The following CACNA1C variants were observed in gnomAD, a reference collection of about 807,000 sequenced individuals.
The protein encoded by CACNA1C is calcium voltage-gated channel subunit alpha1 C.
Under a neutral mutation model 229.0 loss-of-function variants are expected in CACNA1C, and 30 were observed. The observed-to-expected ratio is 0.13, with a 90% CI of 0.10 to 0.18. The LOEUF is 0.18. CACNA1C is among the 10% of genes least tolerant of loss of function. CACNA1C has a pLI of 1.00. For synonymous variants in CACNA1C, 1,114 were observed against 1,132.5 expected, an observed-to-expected ratio of 0.98 and a Z score of 0.33; for missense variants, 1,658 against 2,845.0, an observed-to-expected ratio of 0.58 and a Z score of 9.49.
intron 1 of CACNA1C, among the ~76,000 whole-genome samples, chr12:2,039,446 A>C (rs1343672522): frequency 1.3e-5 from 2 of 152,190 alleles, no homozygotes; most frequent in Non-Finnish European, 2.9e-5. Flanking sequence ...ATTCTCTACC[A>C]CCAACAGGAT....
intron 18 of CACNA1C, among the ~76,000 whole-genome samples, chr12:2,591,052 C>G (rs2065061680): frequency 6.6e-6 from 1 of 152,172 alleles, no homozygotes; most frequent in African/African-American, 2.4e-5. Flanking sequence ...TCTTGGGCCT[C>G]TCTTCTGCTG....
intron 1 of CACNA1C, among the ~76,000 whole-genome samples, chr12:2,106,384 G>A (rs1472075511): frequency 9.6e-4 from 47 of 48,882 alleles, no homozygotes; most frequent in East Asian, 3.0e-3. Context: ...CCCACCCCGG[G>A]GAGGGTTTCC....
intron 3 of CACNA1C, among the ~76,000 whole-genome samples, chr12:2,364,054 G>A (rs1164481921): frequency 6.6e-6 from 1 of 152,170 alleles, no homozygotes; most frequent in African/African-American, 2.4e-5. Context: ...TCTTCTCCAA[G>A]GACAGCCTAA....
chr12:2,404,705 G>T (rs1421551409), intron 3 of CACNA1C, among the ~76,000 whole-genome samples: 1 of 152,120 alleles, frequency 6.6e-6, no homozygotes, highest in African/African-American at 2.4e-5. Context: ...CAAATAGTTT[G>T]TCTCGTCAGC....
Position 2,374,432 on chromosome 12 carries a change from C to T in CACNA1C, c.478-74544C>T, listed in dbSNP as rs957735714. 1.4e-4 allele frequency among the ~76,000 whole-genome samples: 22 copies of T among 152,192 alleles called. 2 individuals are homozygous for T. Among genetic ancestry groups the T allele is most frequent in the African/African-American group, 2.4e-5 (1 of 41,448 alleles). On this transcript the variant is annotated intron_variant, in intron 3 of 46. Coordinates refer to ENST00000399655, the MANE Select transcript of CACNA1C (RefSeq NM_000719.7). ...TGACTGGGGACTGGGTGTTATTGTT[C>T]GTAACTCAATATTCCAGCCATGGCA...
chr12:2,171,440 G>A (rs1025901621), intron 3 of CACNA1C, among the ~76,000 whole-genome samples: 2 of 152,200 alleles, frequency 1.3e-5, no homozygotes, highest in Admixed American at 6.5e-5. Context: ...TCTGCAGGGA[G>A]TCCGTCAAGA....
In CACNA1C at chr12:2,115,289, GC is replaced by G; in HGVS notation, c.119del (p.Pro40LeufsTer25). On this transcript the variant is annotated frameshift_variant, in exon 2 of 47. Transcript: ENST00000399655. LOFTEE classifies it high-confidence loss of function. ...GAATGCCAATGCGGCAGCGGGGCTG[GC>G]CCCTGAGCACATCCCCACCCCGGGG... ...NMNANAAAGLAPEHIPTPGAA... is the reference protein window; with the variant it reads ...NMNANAAAGLXPEHIPTPGAA... 6.3e-7 allele frequency: 1 copy of G among 1,591,794 alleles called. No individual in the cohort carries two copies. Among genetic ancestry groups the G allele is most frequent in the Non-Finnish European group, 8.5e-7 (1 of 1,170,414 alleles).
At chr12:2,526,961 T>G (rs1051172173) in intron 9 of CACNA1C, among the ~76,000 whole-genome samples, 2 of 152,352 alleles carry the variant, frequency 1.3e-5, no homozygotes, top group African/African-American at 4.8e-5. Flanking sequence ...GGTTTATGCT[T>G]TCTAAATAGA....
chr12:2,256,043 A>C (rs201849483), intron 3 of CACNA1C, among the ~76,000 whole-genome samples: 1 of 8,060 alleles, frequency 1.2e-4, no homozygotes, highest in Non-Finnish European at 2.9e-4. Context: ...TCCTGACCTG[A>C]CTACTTTACA....
chr12:2,210,059 C>T (rs1014046086), intron 3 of CACNA1C, among the ~76,000 whole-genome samples: 7 of 152,066 alleles, frequency 4.6e-5, no homozygotes, highest in Admixed American at 2.6e-4. Context: ...AGGAGAGGCT[C>T]GAATTTTACT....
At chr12:2,564,722 A>C (rs528390544) in intron 11 of CACNA1C, among the ~76,000 whole-genome samples, 1 of 152,062 alleles carries the variant, frequency 6.6e-6, no homozygotes, top group Non-Finnish European at 1.5e-5. Flanking sequence ...CGCTCATCTC[A>C]AGGGACTATT....
chr12:2,266,571 G>T (rs531878646), intron 3 of CACNA1C, among the ~76,000 whole-genome samples: 1 of 152,370 alleles, frequency 6.6e-6, no homozygotes, highest in African/African-American at 2.4e-5. Flanking sequence ...TGGGTTCCAA[G>T]AGAAGCAGGA....
At chr12:2,050,185 C>G (rs573171210), upstream of CACNA1C, among the ~76,000 whole-genome samples, 2 of 152,284 alleles carry the variant, frequency 1.3e-5, no homozygotes, top group East Asian at 3.9e-4. Flanking sequence ...GCCCTGCCCC[C>G]ACCAGCTCAC....
chr12:2,609,487 G>T (rs2076702374), intron 27 of CACNA1C, among the ~76,000 whole-genome samples: 1 of 151,404 alleles, frequency 6.6e-6, no homozygotes, highest in Non-Finnish European at 1.5e-5. Flanking sequence ...TCTGCTGGCT[G>T]CTGTGTGGAC....
chr12:2,612,750 G>T (rs141192596), intron 29 of CACNA1C: 2 of 152,206 alleles, frequency 1.3e-5, no homozygotes, highest in African/African-American at 4.8e-5. Context: ...AGCAGACACT[G>T]GTATGAGCCA....
rs183320045 is a variant in CACNA1C at position 2,277,435 on chromosome 12, C to T, written c.477+157005C>T. ...CACACACACACACACACACTGAGGG[C>T]TGATAGGGAAGAGGACTTCTCTTCT... is the stretch of plus-strand genomic sequence containing the variant. On this transcript the variant is annotated intron_variant, in intron 3 of 46. Transcript: ENST00000399655. Among the ~76,000 whole-genome samples, 3 of 142,660 alleles carry T rather than the reference C, an allele frequency of 2.1e-5. No individual in the cohort carries two copies. The East Asian group carries it at 6.4e-4, about 30-fold the overall frequency. 93.6% of individuals were successfully genotyped at this position (142,660 alleles called of 152,430 possible). A position where few individuals can be genotyped will look rare whatever the true frequency, so the allele number is the denominator to read the frequency against.
chr12:2,534,215 G>T (rs1399534968), intron 9 of CACNA1C, among the ~76,000 whole-genome samples: 1 of 152,198 alleles, frequency 6.6e-6, no homozygotes, highest in Non-Finnish European at 1.5e-5. Flanking sequence ...TGGTGTCAAA[G>T]CAAGAGGAAC....
At chr12:2,073,027 G>A (rs2283270) in intron 1 of CACNA1C, among the ~76,000 whole-genome samples, 29,272 of 151,990 alleles carry the variant, frequency 0.19, 3,255 homozygotes, top group East Asian at 0.46. Flanking sequence ...CAGTGGGGCC[G>A]CTGGCTGGAA....
chr12:2,049,146 T>C (rs2051637553), upstream of CACNA1C: 1 of 152,274 alleles, frequency 6.6e-6, no homozygotes, highest in Non-Finnish European at 1.5e-5. Flanking sequence ...TTTAACTGTA[T>C]GAATGCACTC....
Sources: allele counts gnomAD v4.1 joint callset (sites outside exome capture counted in the v4.1 genomes callset), GRCh38; gene constraint gnomAD v4.1.1; transcripts MANE v1.5; gene names NCBI Gene and HGNC (gene_info 2026-07-23, HGNC 2026-07-21).